TDRD7: variants seen among roughly 807,000 people sequenced by gnomAD.
TDRD7 encodes the protein tudor domain-containing protein 7.
Under a neutral mutation model 109.8 loss-of-function variants are expected in TDRD7, and 47 were observed. That is an observed-to-expected ratio of 0.43 (90% CI 0.34 to 0.55). The LOEUF is 0.55. Ranked by LOEUF, TDRD7 falls within the 20% of genes least tolerant of loss-of-function variation. TDRD7 has a pLI of 0.03. For missense variants in TDRD7, 1,164 were observed against 1,319.2 expected (o/e 0.88, Z 1.82); for synonymous variants, 424 against 457.3 (o/e 0.93, Z 0.93).
At chr9:97,475,558 TACTC>T in intron 12 of TDRD7, 89 bp downstream of exon 12, 1 of 913,622 alleles carries the variant, frequency 1.1e-6, no homozygotes, top group South Asian at 1.4e-5. Flanking sequence ...ATTGAATAAA[TACTC>T]ACAGACTCAT....
intron 1 of TDRD7, among the ~76,000 whole-genome samples, chr9:97,427,233 C>A (rs1052404900): frequency 6.6e-6 from 1 of 152,038 alleles, no homozygotes; most frequent in African/African-American, 2.4e-5. Flanking sequence ...CTGAATGTAT[C>A]TCCTGAATTT....
chr9:97,483,299 C>T lies in TDRD7; in HGVS notation c.2863C>T (p.Arg955Cys), dbSNP rs1429865459. 6.2e-6 allele frequency: 10 copies of T among 1,614,050 alleles called. No individual in the cohort carries two copies. Among genetic ancestry groups the T allele is most frequent in the African/African-American group, 1.3e-5 (1 of 75,030 alleles). The part of the protein sequence containing the change: ...MILYYSVSEE[R>C]HIAVEKDQVY... Reference sequence around the variant, plus strand: ...TCTATATTACAGCGTGTCTGAAGAGCGCCACATAGCAGTGGAGAAAGACCA... The same window carrying T: ...TCTATATTACAGCGTGTCTGAAGAGTGCCACATAGCAGTGGAGAAAGACCA... The change falls in exon 15 of 17, where the codon CGC (arginine) becomes TGC (cysteine). Residue 955 changes from arginine to cysteine, a missense_variant. Physicochemically the swap from Arg to Cys is radical, Grantham distance 180 (BLOSUM62 -3). Transcript: ENST00000355295.
At chr9:97,467,804 A>G (rs1177481652) in intron 8 of TDRD7, among the ~76,000 whole-genome samples, 2 of 152,250 alleles carry the variant, frequency 1.3e-5, no homozygotes, top group Non-Finnish European at 2.9e-5. Context: ...AATACTGGTT[A>G]GGTGGCTGTT....
intron 4 of TDRD7, among the ~76,000 whole-genome samples, chr9:97,433,757 A>G (rs1312567708): frequency 6.6e-6 from 1 of 152,196 alleles, no homozygotes; most frequent in East Asian, 1.9e-4. Flanking sequence ...TATATGGAAA[A>G]ATGCTCAACA....
chr9:97,413,377 A>G (rs1442916143), intron 1 of TDRD7, among the ~76,000 whole-genome samples: 1 of 152,186 alleles, frequency 6.6e-6, no homozygotes, highest in Non-Finnish European at 1.5e-5. Context: ...GCTTTCTCTT[A>G]GCCTGGTTTT....
chr9:97,485,343 T>C (rs1445957698), intron 15 of TDRD7, among the ~76,000 whole-genome samples: 2 of 152,212 alleles, frequency 1.3e-5, no homozygotes, highest in African/African-American at 4.8e-5. Context: ...CAGTACTGAA[T>C]TTTAGTAATC....
intron 1 of TDRD7, among the ~76,000 whole-genome samples, chr9:97,425,625 A>G (rs1827978092): frequency 6.6e-6 from 1 of 152,192 alleles, no homozygotes; most frequent in Non-Finnish European, 1.5e-5. Context: ...ACAAACACAC[A>G]CACACACACA....
intron 12 of TDRD7, 21 bp from the exon 13 acceptor site, chr9:97,478,418 C>A: frequency 6.2e-7 from 1 of 1,613,768 alleles, no homozygotes; most frequent in African/African-American, 1.3e-5. Context: ...AATAAATGAG[C>A]CAACACTTAT....
chr9:97,489,754 G>T lies in TDRD7; in HGVS notation c.3076+2422G>T, dbSNP rs150803251. Among the ~76,000 whole-genome samples the T allele has an allele frequency of 5.1e-3, 778 of 151,918 alleles. 8 individuals carry two copies. The highest frequency in any genetic ancestry group is 0.018 in the African/African-American group (750 of 41,446). On this transcript the variant is annotated intron_variant, in intron 16 of 16. Transcript: ENST00000355295. Reference sequence around the variant, plus strand: ...TGTCATTACTCTTTTTCTGCTTTTTGTTATTTTAATTGAGCATTTTAAGTA... The same window carrying T: ...TGTCATTACTCTTTTTCTGCTTTTTTTTATTTTAATTGAGCATTTTAAGTA...
chr9:97,454,748 C>T (rs909382625), intron 6 of TDRD7, among the ~76,000 whole-genome samples: 1 of 151,956 alleles, frequency 6.6e-6, no homozygotes, highest in Non-Finnish European at 1.5e-5. Context: ...GATCTCAAAT[C>T]GACACCCTAA....
At chr9:97,477,844 T>G (rs1829048310) in intron 12 of TDRD7, among the ~76,000 whole-genome samples, 1 of 152,206 alleles carries the variant, frequency 6.6e-6, no homozygotes, top group Admixed American at 6.5e-5. Flanking sequence ...AATCATTTTA[T>G]AATAAATCAC....
At chr9:97,441,562 C>T (rs1260315775) in intron 5 of TDRD7, 96 bp from the exon 6 acceptor site, 1 of 1,157,354 alleles carries the variant, frequency 8.6e-7, no homozygotes, top group African/African-American at 1.5e-5. Flanking sequence ...CACAAGCCCA[C>T]ACTATAGCAA....
At chr9:97,470,017 T>G (rs920817831) in intron 8 of TDRD7, among the ~76,000 whole-genome samples, 3 of 152,170 alleles carry the variant, frequency 2.0e-5, no homozygotes, top group Admixed American at 6.5e-5. Context: ...ACCATTGTTG[T>G]CATTGATGAA....
intron 1 of TDRD7, among the ~76,000 whole-genome samples, chr9:97,417,534 TC>T (rs1279686031): frequency 6.6e-6 from 1 of 152,154 alleles, no homozygotes; most frequent in Non-Finnish European, 1.5e-5. Context: ...ATTGTAGACA[TC>T]CGCCTTCCAT....
intron 6 of TDRD7, among the ~76,000 whole-genome samples, chr9:97,448,260 T>G (rs1828433914): frequency 6.6e-6 from 1 of 152,254 alleles, no homozygotes; most frequent in African/African-American, 2.4e-5. Flanking sequence ...TGGCTGTGGT[T>G]GTAGGTGATA....
At position 97,476,238 on chromosome 9, in the gene TDRD7, A is replaced by G. The variant is rs557276781; in HGVS notation, c.2166+769A>G. ...CTGCCTCCTGCCTGGATCTAAGGCC[A>G]TGTCTCCTGCCCAAGACAATTTTGG... On this transcript the variant is annotated intron_variant, in intron 12 of 16. Transcript: ENST00000355295. Among the ~76,000 whole-genome samples the G allele has an allele frequency of 9.8e-5, 15 of 152,330 alleles. 1 individual carries two copies. Among genetic ancestry groups the G allele is most frequent in the African/African-American group, 3.6e-4 (15 of 41,578 alleles).
At chr9:97,437,196 G>A (rs1275514593) in intron 4 of TDRD7, among the ~76,000 whole-genome samples, 6 of 152,162 alleles carry the variant, frequency 3.9e-5, no homozygotes, top group African/African-American at 1.2e-4. Context: ...AGGAAGACAC[G>A]GTCAAGCTGG....
intron 1 of TDRD7, 146 bp from the exon 2 acceptor site, chr9:97,428,314 A>C: frequency 1.3e-6 from 1 of 797,488 alleles, no homozygotes; most frequent in Non-Finnish European, 2.1e-6. Flanking sequence ...GCTTTTCTCT[A>C]CCGTGGCAGT....
intron 15 of TDRD7, 116 bp from the exon 16 acceptor site, chr9:97,487,056 T>C: frequency 8.4e-7 from 1 of 1,194,472 alleles, no homozygotes; most frequent in South Asian, 1.4e-5. Context: ...TAGTTTTAAA[T>C]TTTGATAAAC....
Sources: gnomAD v4.1 joint callset for allele counts (sites outside exome capture counted in the v4.1 genomes callset) on GRCh38, gnomAD v4.1.1 for gene constraint, MANE v1.5 for transcripts, NCBI Gene and HGNC (gene_info 2026-07-23, HGNC 2026-07-21) for gene names.